TSHZ3: variants seen among roughly 807,000 people sequenced by gnomAD.
The protein encoded by TSHZ3 is teashirt homolog 3.
In TSHZ3, 10 loss-of-function variants were observed where a neutral mutation model predicts 64.5. That is an observed-to-expected ratio of 0.16 (90% confidence interval 0.10 to 0.26). The LOEUF is 0.26. TSHZ3 is among the 10% of genes least tolerant of loss of function. TSHZ3 has a pLI of 1.00. For synonymous variants in TSHZ3, 608 were observed against 593.1 expected (o/e 1.03, Z -0.36); for missense variants, 1,242 against 1,421.7 (o/e 0.87, Z 2.03).
chr19:31,209,500 T>C (rs1339343765), intron 4 of TSHZ3, among the ~76,000 whole-genome samples: 2 of 152,164 alleles, frequency 1.3e-5, no homozygotes, highest in African/African-American at 4.8e-5. Context: ...GTGGGGATAC[T>C]AGGAGCAGTT....
At chr19:31,334,747 T>A (rs949823162) in intron 1 of TSHZ3, among the ~76,000 whole-genome samples, 1 of 152,188 alleles carries the variant, frequency 6.6e-6, no homozygotes, top group Non-Finnish European at 1.5e-5. Flanking sequence ...CCATAACATA[T>A]GGCTTTGAAT....
intron 4 of TSHZ3, among the ~76,000 whole-genome samples, chr19:31,214,909 GAAAAAAAAAAA>G (rs950173415): frequency 0.051 from 2,127 of 41,876 alleles, 61 homozygotes; most frequent in African/African-American, 0.15. Context: ...CTCTGTCTCA[GAAAAAAAAAAA>G]AAAAAAAAAA....
chr19:31,196,668 A>G (rs1041750596), intron 5 of TSHZ3, among the ~76,000 whole-genome samples: 22 of 151,990 alleles, frequency 1.4e-4, no homozygotes, highest in African/African-American at 5.1e-4. Flanking sequence ...AGAAAGTGGG[A>G]GTAGCTATAT....
At chr19:31,246,775 G>A (rs1975762960) in intron 1 of TSHZ3, among the ~76,000 whole-genome samples, 1 of 152,120 alleles carries the variant, frequency 6.6e-6, no homozygotes, top group Non-Finnish European at 1.5e-5. Context: ...TCCTCTAAGA[G>A]AAGACAGGGC....
chr19:31,211,279 A>G (rs1975256367), intron 4 of TSHZ3, among the ~76,000 whole-genome samples: 1 of 152,168 alleles, frequency 6.6e-6, no homozygotes, highest in South Asian at 2.1e-4. Context: ...TTCAACATGC[A>G]TTCAACAGGT....
chr19:31,298,621 T>C (rs749383877), intron 1 of TSHZ3, among the ~76,000 whole-genome samples: 13 of 152,122 alleles, frequency 8.5e-5, no homozygotes, highest in Non-Finnish European at 1.6e-4. Flanking sequence ...TGTGGGGCCT[T>C]GCACTCCTGG....
rs10585080 is a variant in TSHZ3, at chr19:31,333,106, CAATAAATAAATAAATAAATA to C, written c.40+16054_40+16073del. On this transcript the variant is annotated intron_variant, in intron 1 of 1. Transcript: ENST00000240587. ...GGGTGACAAGGGAGATCCTGTCTCA[CAATAAATAAATAAATAAATA>C]AATAAATAAATAAATAAATAAATAA... Among the ~76,000 whole-genome samples the C allele has an allele frequency of 1.8e-4, 25 of 137,902 alleles. No homozygotes were observed. In the South Asian group the frequency reaches 3.9e-3, roughly 22 times the overall value. 90.5% of individuals were successfully genotyped at this position (137,902 alleles called of 152,430 possible).
chr19:31,342,454 T>C (rs1318004278), intron 1 of TSHZ3, among the ~76,000 whole-genome samples: 2 of 152,248 alleles, frequency 1.3e-5, no homozygotes, highest in South Asian at 2.1e-4. Flanking sequence ...ACCCAACCAA[T>C]GTTAATACAT....
chr19:31,197,334 A>G (rs1273350591), intron 5 of TSHZ3, among the ~76,000 whole-genome samples: 1 of 151,914 alleles, frequency 6.6e-6, no homozygotes, highest in South Asian at 2.1e-4. Context: ...TTATATCATT[A>G]AATGCATATA....
At chr19:31,256,935 G>A (rs998497556) in intron 1 of TSHZ3, among the ~76,000 whole-genome samples, 1 of 152,142 alleles carries the variant, frequency 6.6e-6, no homozygotes, top group African/African-American at 2.4e-5. Context: ...AAGCAAGGCC[G>A]CCATGGTGGG....
intron 4 of TSHZ3, among the ~76,000 whole-genome samples, chr19:31,205,548 A>C (rs1171798371): frequency 6.6e-6 from 1 of 152,180 alleles, no homozygotes. Flanking sequence ...AGCAGCTTTC[A>C]TTCCTTCCTG....
chr19:31,174,295 A>G (rs1974578748), intron 5 of TSHZ3, among the ~76,000 whole-genome samples: 1 of 152,190 alleles, frequency 6.6e-6, no homozygotes, highest in African/African-American at 2.4e-5. Context: ...AAGTCCAAAG[A>G]CAGGAAAAGA....
rs79951951 is a variant in TSHZ3, at chr19:31,209,518, G to A, written n.687-4440C>T. Among the ~76,000 whole-genome samples the A allele has an allele frequency of 6.8e-3, 1,033 of 152,300 alleles. 16 individuals are homozygous for A. Among genetic ancestry groups the A allele is most frequent in the African/African-American group, 0.024 (986 of 41,576 alleles). Reference sequence around the variant, plus strand: ...GGGATACTAGGAGCAGTTTGTGCCTGTTGGAGCACTAAATTAGATGATTAA... The same window carrying A: ...GGGATACTAGGAGCAGTTTGTGCCTATTGGAGCACTAAATTAGATGATTAA... On this transcript the variant is annotated intron_variant and non_coding_transcript_variant, in intron 4 of 6. Transcript: ENST00000651361.
At position 31,232,754 on chromosome 19, in the gene TSHZ3, A is replaced by G. The variant is rs567699344; in HGVS notation, n.551-4614T>C. Among the ~76,000 whole-genome samples, 5 of 152,278 alleles carry G rather than the reference A, an allele frequency of 3.3e-5. No homozygotes were observed. In the East Asian group the frequency reaches 5.8e-4, roughly 18 times the overall value. ...CCAGTTAACCGCTGGCCTCATTTCT[A>G]TCTCTACAGATATGTATTTTTTTCT... On this transcript the variant is annotated intron_variant and non_coding_transcript_variant, in intron 3 of 6. Coordinates refer to the TSHZ3 transcript ENST00000651361.
chr19:31,317,659 C>A (rs755274840), intron 1 of TSHZ3, among the ~76,000 whole-genome samples: 2 of 152,206 alleles, frequency 1.3e-5, no homozygotes, highest in Non-Finnish European at 1.5e-5. Flanking sequence ...GAGAGCAGGG[C>A]GCATCCCCAG....
At chr19:31,270,455 G>A (rs190394689), downstream of TSHZ3, among the ~76,000 whole-genome samples, 38 of 152,306 alleles carry the variant, frequency 2.5e-4, no homozygotes, top group African/African-American at 8.2e-4. Flanking sequence ...ACAGGTGCAC[G>A]CCACCATGCT....
intron 5 of TSHZ3, among the ~76,000 whole-genome samples, chr19:31,170,764 T>A (rs1421375580): frequency 6.6e-6 from 1 of 152,208 alleles, no homozygotes; most frequent in African/African-American, 2.4e-5. Context: ...AAGTAAATAT[T>A]TTTTTGTTGT....
At chr19:31,298,468 T>C (rs1317369702) in intron 1 of TSHZ3, among the ~76,000 whole-genome samples, 1 of 152,068 alleles carries the variant, frequency 6.6e-6, no homozygotes. Context: ...TTTTTGTTTG[T>C]TTGTTTTGTT....
At chr19:31,192,801 G>A (rs536713350) in intron 5 of TSHZ3, among the ~76,000 whole-genome samples, 2 of 152,260 alleles carry the variant, frequency 1.3e-5, no homozygotes, top group East Asian at 3.9e-4. Context: ...TATATCCCTG[G>A]GGTATATAAA....
Sources: gnomAD v4.1 joint callset for allele counts (sites outside exome capture counted in the v4.1 genomes callset) on GRCh38, gnomAD v4.1.1 for gene constraint, MANE v1.5 for transcripts, NCBI Gene and HGNC (gene_info 2026-07-23, HGNC 2026-07-21) for gene names.